The following PIP4K2A variants were observed in gnomAD, a reference collection of about 807,000 sequenced individuals.
PIP4K2A encodes the protein phosphatidylinositol 5-phosphate 4-kinase type-2 alpha.
PIP4K2A carries 14 observed loss-of-function variants against 42.9 expected under a neutral mutation model. The observed-to-expected ratio is 0.33, with a 90% CI of 0.22 to 0.51. PIP4K2A has a LOEUF of 0.51. Ranked by LOEUF, PIP4K2A falls within the 20% of genes least tolerant of loss-of-function variation. PIP4K2A has a pLI of 0.97. For missense variants in PIP4K2A, 434 were observed against 519.8 expected (o/e 0.83, Z 1.61); for synonymous variants, 192 against 192.2 (o/e 1.00, Z 0.01).
intron 1 of PIP4K2A, among the ~76,000 whole-genome samples, chr10:22,650,861 C>A (rs1034268554): frequency 6.6e-6 from 1 of 151,630 alleles, no homozygotes; most frequent in Non-Finnish European, 1.5e-5. Flanking sequence ...CTACCTTTTA[C>A]TGGCTGGCTG....
chr10:22,683,079 ACAAC>A (rs138401171), intron 1 of PIP4K2A, among the ~76,000 whole-genome samples: 26,156 of 151,228 alleles, frequency 0.17, 2,538 homozygotes, highest in Middle Eastern at 0.26. Context: ...AACAACAACA[ACAAC>A]AACAAAAACA....
At chr10:22,712,299 A>T (rs1335805928) in intron 1 of PIP4K2A, among the ~76,000 whole-genome samples, 1 of 152,212 alleles carries the variant, frequency 6.6e-6, no homozygotes, top group Admixed American at 6.5e-5. Flanking sequence ...AACATACACA[A>T]TTACAAGATT....
At position 22,714,148 on chromosome 10, in the gene PIP4K2A, A is replaced by T. The variant is rs368606504; in HGVS notation, c.144+35T>A. The T allele has an allele frequency of 2.0e-4, 317 of 1,579,134 alleles. 1 individual carries two copies. Among genetic ancestry groups the T allele is most frequent in the South Asian group, 4.7e-4 (41 of 87,666 alleles). On this transcript the variant is annotated intron_variant, in intron 1 of 9. Transcript: ENST00000376573. ...GGGAACGAGGAGGAAGAGGAGGAGG[A>T]GGAAGGGGACCGCGCGCCGCAGCTG... is the stretch of plus-strand genomic sequence containing the variant.
chr10:22,545,326 T>G (rs1251680593), intron 7 of PIP4K2A, among the ~76,000 whole-genome samples: 2 of 152,242 alleles, frequency 1.3e-5, no homozygotes, highest in Non-Finnish European at 2.9e-5. Flanking sequence ...CAGGAAGGTC[T>G]ACTGGTTGAC....
chr10:22,638,056 A>G (rs2130785210), intron 1 of PIP4K2A, among the ~76,000 whole-genome samples: 1 of 152,326 alleles, frequency 6.6e-6, no homozygotes, highest in East Asian at 1.9e-4. Context: ...CCTCCTGAAC[A>G]GTCCCCCAGG....
intron 4 of PIP4K2A, among the ~76,000 whole-genome samples, chr10:22,582,181 A>C (rs1837296040): frequency 6.6e-6 from 1 of 152,168 alleles, no homozygotes; most frequent in African/African-American, 2.4e-5. Context: ...ATTCTCCCTC[A>C]GAACTTTTTC....
At chr10:22,668,152 A>T (rs530188587) in intron 1 of PIP4K2A, among the ~76,000 whole-genome samples, 1 of 152,240 alleles carries the variant, frequency 6.6e-6, no homozygotes, top group Admixed American at 6.5e-5. Flanking sequence ...GCGTTTTACT[A>T]TGTTGGCCAG....
chr10:22,688,150 A>G (rs974287004), intron 1 of PIP4K2A, among the ~76,000 whole-genome samples: 1 of 152,224 alleles, frequency 6.6e-6, no homozygotes, highest in Non-Finnish European at 1.5e-5. Context: ...ATTAGAGACG[A>G]GTAAAGGGTC....
At chr10:22,577,143 A>T (rs1837143968) in intron 4 of PIP4K2A, among the ~76,000 whole-genome samples, 1 of 151,698 alleles carries the variant, frequency 6.6e-6, no homozygotes, top group Non-Finnish European at 1.5e-5. Flanking sequence ...AGCATCCATC[A>T]TATGCCTGGT....
chr10:22,700,450 A>T (rs1345338174), intron 1 of PIP4K2A, among the ~76,000 whole-genome samples: 1 of 152,216 alleles, frequency 6.6e-6, no homozygotes, highest in Non-Finnish European at 1.5e-5. Flanking sequence ...CAAAGACACC[A>T]GTGCTTGGGA....
At chr10:22,690,305 A>G (rs1030749609) in intron 1 of PIP4K2A, among the ~76,000 whole-genome samples, 2 of 152,224 alleles carry the variant, frequency 1.3e-5, no homozygotes, top group African/African-American at 4.8e-5. Flanking sequence ...CACACAGCTA[A>G]TAAGTGCTGA....
intron 1 of PIP4K2A, among the ~76,000 whole-genome samples, chr10:22,679,423 T>C (rs139973724): frequency 1.4e-4 from 21 of 152,332 alleles, no homozygotes; most frequent in Admixed American, 2.0e-4. Flanking sequence ...ATATCAAGTA[T>C]TGGCATGGAT....
intron 6 of PIP4K2A, among the ~76,000 whole-genome samples, 171 bp from the exon 7 acceptor site, chr10:22,550,943 C>A (rs543105128): frequency 6.6e-6 from 1 of 152,102 alleles, no homozygotes; most frequent in Non-Finnish European, 1.5e-5. Flanking sequence ...TGAATACCAC[C>A]GGGGGGCGCC....
At chr10:22,673,141 C>T (rs895574881) in intron 1 of PIP4K2A, among the ~76,000 whole-genome samples, 1 of 152,212 alleles carries the variant, frequency 6.6e-6, no homozygotes, top group Non-Finnish European at 1.5e-5. Flanking sequence ...ATGGTTATGA[C>T]TTCTACCTAA....
At position 22,605,280 on chromosome 10, in the gene PIP4K2A, A is replaced by C. The variant is rs1164814374; in HGVS notation, c.339+2647T>G. ...GAAAGGAGGAGTGTTCGAATGATTA[A>C]TCACACTCACACCACTCTCCCCAAC... On this transcript the variant is annotated intron_variant, in intron 3 of 9. Coordinates refer to ENST00000376573, the MANE Select transcript of PIP4K2A (RefSeq NM_005028.5). Among the ~76,000 whole-genome samples the C allele has an allele frequency of 2.0e-5, 3 of 151,970 alleles. No individual in the cohort carries two copies. In the East Asian group the frequency reaches 5.8e-4, roughly 29 times the overall value.
At chr10:22,588,143 T>A (rs1489922402) in intron 4 of PIP4K2A, among the ~76,000 whole-genome samples, 1 of 152,236 alleles carries the variant, frequency 6.6e-6, no homozygotes, top group Non-Finnish European at 1.5e-5. Context: ...ATGGTCAACG[T>A]TTGTGTCACC....
Position 22,589,525 on chromosome 10 carries a change from A to C in PIP4K2A, c.492+2104T>G, listed in dbSNP as rs1278831499. Among the ~76,000 whole-genome samples, 3 of 152,258 alleles carry C rather than the reference A, an allele frequency of 2.0e-5. No homozygotes were observed. In the East Asian group the frequency reaches 5.8e-4, roughly 29 times the overall value. Reference sequence around the variant, plus strand: ...TGATTTTAGAAAACAAACTAGAGGCAGTACCAAGTTTCAAGAAACAGAATA... The same window carrying C: ...TGATTTTAGAAAACAAACTAGAGGCCGTACCAAGTTTCAAGAAACAGAATA... On this transcript the variant is annotated intron_variant, in intron 4 of 9. Transcript: ENST00000376573.
At chr10:22,689,828 C>G (rs1028192816) in intron 1 of PIP4K2A, among the ~76,000 whole-genome samples, 2 of 152,188 alleles carry the variant, frequency 1.3e-5, no homozygotes, top group African/African-American at 4.8e-5. Context: ...ATGGTTGTTG[C>G]CACAACACCT....
At chr10:22,661,117 ACAC>A (rs1035720095) in intron 1 of PIP4K2A, among the ~76,000 whole-genome samples, 2 of 152,340 alleles carry the variant, frequency 1.3e-5, no homozygotes, top group African/African-American at 4.8e-5. Flanking sequence ...TAAAAAGTGA[ACAC>A]CACTTCAGTT....
Sources: allele counts gnomAD v4.1 joint callset (sites outside exome capture counted in the v4.1 genomes callset), GRCh38; gene constraint gnomAD v4.1.1; transcripts MANE v1.5; gene names NCBI Gene and HGNC (gene_info 2026-07-23, HGNC 2026-07-21).